Variants in OR9Q1 observed in about 807,000 individuals in gnomAD.
OR9Q1 encodes the protein olfactory receptor family 9 subfamily Q member 1, also known as olfactory receptor 9Q1.
For synonymous variants in OR9Q1, 153 were observed against 148.6 expected, an observed-to-expected ratio of 1.03 and a Z score of -0.22; for missense variants, 374 against 378.8, an observed-to-expected ratio of 0.99 and a Z score of 0.11.
At position 58,041,840 on chromosome 11, in the gene OR9Q1, C is replaced by T. The variant is rs532309893; in HGVS notation, c.-92-14030C>T. Among the ~76,000 whole-genome samples the T allele has an allele frequency of 5.3e-5, 8 of 152,246 alleles. No homozygotes were observed. In the South Asian group the frequency reaches 8.3e-4, roughly 16 times the overall value. ...GGCCTTCCAGATTGTCTGATGTCCT[C>T]GGATTCAGGGCCAAAGACACAGATG... On this transcript the variant is annotated intron_variant, in intron 1 of 2. Coordinates refer to ENST00000335397, the MANE Select transcript of OR9Q1 (RefSeq NM_001005212.4).
chr11:58,128,712 A>T (rs1854112986), intron 2 of OR9Q1, among the ~76,000 whole-genome samples: 1 of 152,184 alleles, frequency 6.6e-6, no homozygotes, highest in African/African-American at 2.4e-5. Flanking sequence ...TACTTTTTTA[A>T]ACCTAAAAAT....
intron 2 of OR9Q1, among the ~76,000 whole-genome samples, chr11:58,123,008 A>G (rs549591326): frequency 6.7e-4 from 102 of 152,034 alleles, no homozygotes; most frequent in African/African-American, 2.2e-3. Flanking sequence ...TATGCTTATA[A>G]CATATTTTAC....
At chr11:58,064,899 T>C (rs548391032) in intron 2 of OR9Q1, among the ~76,000 whole-genome samples, 10 of 151,842 alleles carry the variant, frequency 6.6e-5, no homozygotes, top group Non-Finnish European at 1.5e-4. Context: ...GGGAGAATTC[T>C]AGAGATTTAG....
chr11:58,027,160 A>G (rs1852983500), intron 1 of OR9Q1, among the ~76,000 whole-genome samples: 1 of 152,164 alleles, frequency 6.6e-6, no homozygotes, highest in African/African-American at 2.4e-5. Flanking sequence ...TGCAGGTGCA[A>G]TTGCCCACGC....
At chr11:58,138,603 A>G (rs1350338542) in intron 2 of OR9Q1, among the ~76,000 whole-genome samples, 1 of 152,198 alleles carries the variant, frequency 6.6e-6, no homozygotes, top group African/African-American at 2.4e-5. Context: ...CTCATAGCAC[A>G]GCTGTGCTGT....
chr11:58,130,176 G>C (rs1345472497), intron 2 of OR9Q1, among the ~76,000 whole-genome samples: 2 of 152,114 alleles, frequency 1.3e-5, no homozygotes, highest in Non-Finnish European at 2.9e-5. Context: ...TGAGAGGAGA[G>C]AGCCTTAATG....
In OR9Q1 at chr11:58,065,756, G is replaced by C. The variant is rs535749260; in HGVS notation, c.-15+9809G>C. ...TAAGGAGTGTTAGCATTGTGCAAAG[G>C]GGGGCATTGAGACCCAGAGAGAGAA... On this transcript the variant is annotated intron_variant, in intron 2 of 2. Coordinates refer to ENST00000335397, the MANE Select transcript of OR9Q1 (RefSeq NM_001005212.4). 5.3e-5 allele frequency among the ~76,000 whole-genome samples: 8 copies of C among 152,280 alleles called. No individual in the cohort carries two copies. In the South Asian group the frequency reaches 1.2e-3, roughly 24 times the overall value.
chr11:58,155,096 G>C (rs979384712), intron 2 of OR9Q1, among the ~76,000 whole-genome samples: 6 of 152,120 alleles, frequency 3.9e-5, no homozygotes, highest in Non-Finnish European at 8.8e-5. Flanking sequence ...ATGATTGTGG[G>C]GGCTGGCAGT....
chr11:58,078,483 C>T (rs1216307159), intron 2 of OR9Q1: 1 of 152,156 alleles, frequency 6.6e-6, no homozygotes, highest in African/African-American at 2.4e-5. Flanking sequence ...ATGACCCATT[C>T]CATATTTCTC....
chr11:58,137,179 A>G (rs1854197251), intron 2 of OR9Q1, among the ~76,000 whole-genome samples: 1 of 152,228 alleles, frequency 6.6e-6, no homozygotes, highest in South Asian at 2.1e-4. Flanking sequence ...TGGCTTATAA[A>G]AATGCATAAC....
At position 58,060,040 on chromosome 11, in the gene OR9Q1, G is replaced by A. The variant is rs575855329; in HGVS notation, c.-15+4093G>A. On this transcript the variant is annotated intron_variant, in intron 2 of 2. Coordinates refer to ENST00000335397, the MANE Select transcript of OR9Q1 (RefSeq NM_001005212.4). Reference sequence around the variant, plus strand: ...CCCTCTGCCTTCTGGTAGGAGACTTGCTGGGAGACTTGGGGTAGGGGGAAA... The same window carrying A: ...CCCTCTGCCTTCTGGTAGGAGACTTACTGGGAGACTTGGGGTAGGGGGAAA... 5 of 152,530 alleles carry A rather than the reference G, an allele frequency of 3.3e-5. No homozygotes were observed. In the East Asian group the frequency reaches 9.6e-4, roughly 29 times the overall value. The allele number at this position is 152,530 out of a possible 1,614,324, so 9.4% of individuals were successfully genotyped here.
intron 1 of OR9Q1, among the ~76,000 whole-genome samples, chr11:58,026,443 A>G (rs1344958693): frequency 1.3e-5 from 2 of 152,042 alleles, no homozygotes; most frequent in Non-Finnish European, 2.9e-5. Context: ...GCACTGTGGG[A>G]GGTCGAGGTG....
intron 2 of OR9Q1, among the ~76,000 whole-genome samples, chr11:58,175,927 G>A (rs1302367403): frequency 1.3e-5 from 2 of 151,920 alleles, no homozygotes; most frequent in African/African-American, 2.4e-5. Context: ...CAAAAGCTAT[G>A]CCAATAAGAC....
intron 1 of OR9Q1, among the ~76,000 whole-genome samples, chr11:58,029,108 A>G (rs1250751534): frequency 3.9e-5 from 6 of 152,256 alleles, no homozygotes; most frequent in South Asian, 2.1e-4. Context: ...TGGTTTAAAC[A>G]GCAATCAGTT....
At chr11:58,174,824 G>T (rs1854588787) in intron 2 of OR9Q1, among the ~76,000 whole-genome samples, 1 of 151,530 alleles carries the variant, frequency 6.6e-6, no homozygotes, top group African/African-American at 2.4e-5. Context: ...AAAGATTTAA[G>T]GCCAGGCGCA....
At chr11:58,088,892 T>C (rs1348174413) in intron 2 of OR9Q1, among the ~76,000 whole-genome samples, 1 of 151,764 alleles carries the variant, frequency 6.6e-6, no homozygotes, top group Non-Finnish European at 1.5e-5. Context: ...TTTTTTGTTT[T>C]TGAGACGGAG....
At chr11:58,033,247 T>C (rs1477908714) in intron 1 of OR9Q1, among the ~76,000 whole-genome samples, 3 of 152,200 alleles carry the variant, frequency 2.0e-5, no homozygotes, top group Non-Finnish European at 4.4e-5. Flanking sequence ...AGCAATCCCA[T>C]TACTAGGTAT....
chr11:58,085,905 G>C (rs1853629449), intron 2 of OR9Q1, among the ~76,000 whole-genome samples: 2 of 151,732 alleles, frequency 1.3e-5, no homozygotes, highest in African/African-American at 4.9e-5. Flanking sequence ...TTGGAATTTA[G>C]GTAGGAGGTT....
intron 2 of OR9Q1, among the ~76,000 whole-genome samples, chr11:58,066,852 G>A (rs1213001074): frequency 2.0e-5 from 3 of 152,110 alleles, no homozygotes; most frequent in Non-Finnish European, 4.4e-5. Context: ...AGAGGCCGGG[G>A]GTCTCCAGGG....
Sources: gnomAD v4.1 joint callset for allele counts (sites outside exome capture counted in the v4.1 genomes callset) on GRCh38, gnomAD v4.1.1 for gene constraint, MANE v1.5 for transcripts, NCBI Gene and HGNC (gene_info 2026-07-23, HGNC 2026-07-21) for gene names.